The following PLEC variants were observed in gnomAD, a reference collection of about 807,000 sequenced individuals.
The protein encoded by PLEC is hemidesmosomal protein 1.
In PLEC, 216 loss-of-function variants were observed where a neutral mutation model predicts 392.8. That is an observed-to-expected ratio of 0.55 (90% CI 0.49 to 0.62). The LOEUF (loss-of-function observed/expected upper bound fraction) is 0.62. Ranked by LOEUF, PLEC falls within the 20% of genes least tolerant of loss-of-function variation. The pLI is 0.00. For synonymous variants in PLEC, 3,621 were observed against 2,980.6 expected (o/e 1.21, Z -7.00); for missense variants, 6,863 against 6,563.4 (o/e 1.05, Z -1.58).
intron 1 of PLEC, among the ~76,000 whole-genome samples, chr8:143,948,397 A>C (rs1831743370): frequency 6.6e-6 from 1 of 152,228 alleles, no homozygotes; most frequent in Admixed American, 6.5e-5. Flanking sequence ...AGGTATCATC[A>C]GAACTGCCCC....
chr8:143,968,179 T>A (rs894255283), intron 1 of PLEC, among the ~76,000 whole-genome samples: 5 of 150,296 alleles, frequency 3.3e-5, no homozygotes, highest in African/African-American at 1.2e-4. Flanking sequence ...GGTGTAAAGC[T>A]TCATGACTTG....
rs1225890893 is a variant in PLEC, at chr8:143,918,213, T to C, written c.11608A>G (p.Thr3870Ala). ...LLRRCRRDDG[T>A]GQLLLPLSDA... ...GACAGTGGCAGGAGCAGCTGGCCGG[T>C]GCCGTCGTCACGACGGCACCGCCTG... Residue 3870 changes from threonine (T) to alanine (A), a missense_variant, in exon 32 of 32, where the codon ACC becomes GCC. Coordinates refer to ENST00000345136, the MANE Select transcript of PLEC (RefSeq NM_201384.3). 1 of 1,577,114 alleles carries C rather than the reference T, an allele frequency of 6.3e-7. No homozygotes were observed. Among genetic ancestry groups the C allele is most frequent in the Non-Finnish European group, 8.5e-7 (1 of 1,169,870 alleles).
chr8:143,923,143 C>T lies in PLEC; in HGVS notation c.6786G>A (p.Thr2262=), dbSNP rs373922545. The T allele has an allele frequency of 1.2e-4, 193 of 1,603,182 alleles. 1 individual carries two copies. Among genetic ancestry groups the T allele is most frequent in the South Asian group, 5.3e-4 (48 of 91,080 alleles). The change falls in exon 31 of 32, where the codon ACG becomes ACA. Residue 2262 remains threonine (T), a synonymous_variant. Coordinates refer to ENST00000345136, the MANE Select transcript of PLEC (RefSeq NM_201384.3). ...RALILRDKDN[T]QRFLQEEAEK... ...CAGCCTCCTCCTGCAGGAAGCGCTG[C>T]GTATTGTCCTTGTCACGCAAGATGA...
At position 143,929,458 on chromosome 8, in the gene PLEC, T is replaced by C. The variant is rs1826415576; in HGVS notation, c.3037A>G (p.Lys1013Glu). 6.3e-7 allele frequency: 1 copy of C among 1,594,934 alleles called. No homozygotes were observed. Among genetic ancestry groups the C allele is most frequent in the Non-Finnish European group, 8.5e-7 (1 of 1,172,056 alleles). ...TVHRLRLPLD[K>E]EPARECAQRI... ...TGGGCACACTCCCGTGCCGGCTCTT[T>C]GTCCAGCGGCAGCCGCAGGCGGTGC... is the stretch of plus-strand genomic sequence containing the variant. Residue 1013 changes from lysine to glutamate, a missense_variant, in exon 24 of 32, where the codon AAA (lysine) becomes GAA (glutamate). By Grantham distance (56) the Lys-to-Glu change is moderately conservative. Transcript: ENST00000345136.
intron 3 of PLEC, chr8:143,937,573 G>A (rs992107592): frequency 5.0e-5 from 24 of 483,950 alleles, no homozygotes; most frequent in Non-Finnish European, 7.0e-5. Context: ...AGCAGCCACC[G>A]GTGGGTCCCA....
In PLEC at chr8:143,927,749, G is replaced by A. The variant is rs782562298; in HGVS notation, c.3417C>T (p.Ala1139=). 29 of 1,599,200 alleles carry A rather than the reference G, an allele frequency of 1.8e-5. No homozygotes were observed. The highest frequency in any genetic ancestry group is 3.4e-5 in the Admixed American group (2 of 58,686). The change falls in exon 27 of 32, where the codon GCC becomes GCT. Residue 1139 remains alanine, a synonymous_variant. Transcript: ENST00000345136. ...KASLKKLRAQ[A]EAQQPTFDAL... ...CGTCGAACGTGGGCTGCTGTGCCTC[G>A]GCCTGGGCCCGCAGCTTCTGTTGGG...
rs781964620 is a variant in PLEC, at chr8:143,920,229, G to A, written c.9592C>T (p.Arg3198Trp). The change falls in exon 32 of 32, where the codon CGG becomes TGG. Residue 3198 changes from arginine (R) to tryptophan (W), a missense_variant. Physicochemically the swap from Arg to Trp is moderately radical, Grantham distance 101. Transcript: ENST00000345136. ...CCGGTCAGCTGGTCGGGCCGGCACCGCTGCTGGAGCTCGCCGTAGGTGGCC... is the reference window on the plus strand; with the variant it reads ...CCGGTCAGCTGGTCGGGCCGGCACCACTGCTGGAGCTCGCCGTAGGTGGCC... ...EPATYGELQQRCRPDQLTGLS... is the reference protein window; with the variant it reads ...EPATYGELQQWCRPDQLTGLS... 6.9e-6 allele frequency: 11 copies of A among 1,604,306 alleles called. No homozygotes were observed. Among genetic ancestry groups the A allele is most frequent in the East Asian group, 4.5e-5 (2 of 44,758 alleles).
At chr8:143,935,698 G>C (rs1393009825) in intron 6 of PLEC, 150 bp downstream of exon 6, 1 of 806,476 alleles carries the variant, frequency 1.2e-6, no homozygotes. Context: ...GTGGGGCTGG[G>C]CCCTGAACTC....
At chr8:143,942,635 C>A, upstream of PLEC, 22 of 1,238,384 alleles carry the variant, frequency 1.8e-5, no homozygotes, top group Non-Finnish European at 2.4e-5. Flanking sequence ...ACCTCTTCCA[C>A]CTCCCCCCCA....
intron 24 of PLEC, 38 bp from the exon 25 acceptor site, chr8:143,929,319 G>T: frequency 6.3e-7 from 1 of 1,595,002 alleles, no homozygotes; most frequent in Non-Finnish European, 8.5e-7. Context: ...TCATCACCGA[G>T]CGCAGCACAC....
intron 1 of PLEC, among the ~76,000 whole-genome samples, chr8:143,961,835 TTTTTATTC>T (rs1420043243): frequency 1.3e-5 from 2 of 152,206 alleles, no homozygotes; most frequent in Admixed American, 6.5e-5. Flanking sequence ...CTTTTTTATT[TTTTTATTC>T]TTTTTGAGAC....
Position 143,932,481 on chromosome 8 carries a change from C to T in PLEC, c.1896G>A (p.Leu632=), listed in dbSNP as rs1827637289. Residue 632 remains leucine, a synonymous_variant, in exon 16 of 32, where the codon CTG becomes CTA. Transcript: ENST00000345136. ...CCACCTCCTCCTCCTCCTTCTCATT[C>T]AGCCACATTAGCTCCTTAGTGGCGG... is the stretch of plus-strand genomic sequence containing the variant. ...VAAATKELMW[L]NEKEEEEVGF... 1 of 1,612,754 alleles carries T rather than the reference C, an allele frequency of 6.2e-7. No homozygotes were observed.
Position 143,973,263 on chromosome 8 carries a change from T to G in PLEC, c.70+140A>C. ...CCCCTTCCCTAGGCACTGGCAGCCG[T>G]TGGGGGCGATCCAGGCGGACGAGGC... On this transcript the variant is annotated intron_variant, in intron 1 of 31. Transcript: ENST00000356346. This position sits in a 1 kb window ranked among gnomAD's most constrained non-coding sequence, Gnocchi z 5.6. The G allele has an allele frequency of 1.0e-5, 10 of 953,316 alleles. No individual in the cohort carries two copies. The highest frequency in any genetic ancestry group is 1.5e-5 in the South Asian group (1 of 67,586). The allele number at this position is 953,316 out of a possible 1,614,324, so 59.1% of individuals were successfully genotyped here.
intron 2 of PLEC, 139 bp downstream of exon 2, chr8:143,938,492 G>A (rs782181880): frequency 1.2e-4 from 191 of 1,560,626 alleles, no homozygotes; most frequent in Non-Finnish European, 1.5e-4. Context: ...GAAGAAAGAG[G>A]ACAGAAAATA....
rs1554681992 is a variant in PLEC at position 143,920,495 on chromosome 8, T to C, written c.9326A>G (p.Tyr3109Cys). The C allele has an allele frequency of 6.2e-7, 1 of 1,609,646 alleles. No homozygotes were observed. The highest frequency in any genetic ancestry group is 8.5e-7 in the Non-Finnish European group (1 of 1,178,720). ...GAACAGGGAGACGCTCTGCCCTGTG[T>C]AGGGGTCCCTGTACCCTGTCACAGC... ...EKAVTGYRDP[Y>C]TGQSVSLFQA... is the part of the protein sequence containing the mutation. Residue 3109 changes from tyrosine (Y) to cysteine (C), a missense_variant, in exon 32 of 32, where the codon TAC (tyrosine) becomes TGC (cysteine). Coordinates refer to ENST00000345136, the MANE Select transcript of PLEC (RefSeq NM_201384.3).
intron 25 of PLEC, 133 bp from the exon 26 acceptor site, chr8:143,928,125 G>T: frequency 9.3e-7 from 1 of 1,069,722 alleles, no homozygotes; most frequent in African/African-American, 1.6e-5. Context: ...AGCTGACCCT[G>T]TGGTCAGAGG....
rs782195972 is a variant in PLEC, at chr8:143,931,919, GGGGGCTCCGGTTCTCAC to G, written c.2178+1_2178+17del. 6.3e-7 allele frequency: 1 copy of G among 1,593,228 alleles called. No homozygotes were observed. Among genetic ancestry groups the G allele is most frequent in the Non-Finnish European group, 8.6e-7 (1 of 1,169,082 alleles). ...GGCTGCCGCTGAGCCACAGTGCGGA[GGGGGCTCCGGTTCTCAC>G]CTGAAAGTAGGCAGCGTTCTCCTTC... is the stretch of plus-strand genomic sequence containing the variant. On this transcript the variant is annotated splice_donor_variant and splice_donor_5th_base_variant and intron_variant, in intron 18 of 31. Coordinates refer to ENST00000345136, the MANE Select transcript of PLEC (RefSeq NM_201384.3). LOFTEE classifies it high-confidence loss of function.
chr8:143,975,097 C>G, upstream of PLEC: 2 of 1,500,298 alleles, frequency 1.3e-6, no homozygotes, highest in Middle Eastern at 2.4e-4. The surrounding 1 kb of genome is among the most constrained non-coding windows in gnomAD (Gnocchi z 9.9). Context: ...CCAGTCCCCG[C>G]TCCAGCGCCT....
At position 143,924,859 on chromosome 8, in the gene PLEC, A is replaced by G; in HGVS notation, c.5070T>C (p.Ala1690=). The change falls in exon 31 of 32, where the codon GCT becomes GCC. Residue 1690 remains alanine, a synonymous_variant. Coordinates refer to ENST00000345136, the MANE Select transcript of PLEC (RefSeq NM_201384.3). ...EEQAVRQREL[A]EQELEKQRQL... ...GCCGCTGCTTCTCCAGCTCTTGTTC[A>G]GCCAGCTCCCGCTGCCGGACGGCCT... 2 of 1,587,204 alleles carry G rather than the reference A, an allele frequency of 1.3e-6. No individual in the cohort carries two copies. Among genetic ancestry groups the G allele is most frequent in the Non-Finnish European group, 1.7e-6 (2 of 1,174,450 alleles).
Sources: allele counts gnomAD v4.1 joint callset (sites outside exome capture counted in the v4.1 genomes callset), GRCh38; gene constraint gnomAD v4.1.1; non-coding constraint Gnocchi (gnomAD v3.1); transcripts MANE v1.5; gene names NCBI Gene and HGNC (gene_info 2026-07-23, HGNC 2026-07-21).